The following TMEM232 variants were observed in gnomAD, a reference collection of about 807,000 sequenced individuals.
The protein encoded by TMEM232 is transmembrane protein 232.
TMEM232 carries 80 observed loss-of-function variants against 78.8 expected under a neutral mutation model. The observed-to-expected ratio is 1.01, with a 90% CI of 0.85 to 1.22. The LOEUF (loss-of-function observed/expected upper bound fraction) is 1.22, where lower values mean the gene tolerates loss of function less well. Ranked by LOEUF, TMEM232 falls within the 50% of genes most tolerant of loss-of-function variation. TMEM232 has a pLI of 0.00. For synonymous variants in TMEM232, 297 were observed against 254.3 expected (o/e 1.17, Z -1.60); for missense variants, 881 against 742.2 (o/e 1.19, Z -2.17).
At chr5:110,414,966 T>G (rs1330490164), downstream of TMEM232, among the ~76,000 whole-genome samples, 1 of 152,170 alleles carries the variant, frequency 6.6e-6, no homozygotes, top group African/African-American at 2.4e-5. Context: ...TATCATTTGC[T>G]TCTTTGCTTC....
intron 11 of TMEM232, among the ~76,000 whole-genome samples, chr5:110,556,192 C>T (rs1009167315): frequency 5.3e-5 from 8 of 152,078 alleles, no homozygotes; most frequent in African/African-American, 1.9e-4. Context: ...AACAAATTCC[C>T]TTAGTATTCG....
intron 7 of TMEM232, among the ~76,000 whole-genome samples, chr5:110,623,243 T>C (rs1378565666): frequency 6.6e-6 from 1 of 151,080 alleles, no homozygotes; most frequent in African/African-American, 2.5e-5. Flanking sequence ...TCATATGGCA[T>C]GTATCCTAAT....
At chr5:110,558,364 A>C (rs939951406) in intron 11 of TMEM232, among the ~76,000 whole-genome samples, 2 of 152,128 alleles carry the variant, frequency 1.3e-5, no homozygotes, top group Non-Finnish European at 2.9e-5. Flanking sequence ...GAAAATCAGT[A>C]GGGAAAAGCT....
chr5:110,453,296 A>AAATTT (rs1200775948), intron 12 of TMEM232, among the ~76,000 whole-genome samples: 1 of 151,942 alleles, frequency 6.6e-6, no homozygotes, highest in African/African-American at 2.4e-5. Context: ...ATACTTTTTT[A>AAATTT]AATTTTATTT....
chr5:110,734,867 A>G (rs1444476323), intron 2 of TMEM232: 3 of 152,192 alleles, frequency 2.0e-5, no homozygotes, highest in African/African-American at 4.8e-5. Context: ...TAAAATATTT[A>G]AAATATTACT....
At chr5:110,545,417 ATTTT>A (rs1324528697) in intron 11 of TMEM232, among the ~76,000 whole-genome samples, 1 of 152,004 alleles carries the variant, frequency 6.6e-6, no homozygotes, top group Non-Finnish European at 1.5e-5. Flanking sequence ...TGTGTTTATT[ATTTT>A]GTTATATAAA....
intron 13 of TMEM232, among the ~76,000 whole-genome samples, chr5:110,421,412 G>GAA (rs942260468): frequency 5.3e-5 from 8 of 151,120 alleles, no homozygotes; most frequent in African/African-American, 1.9e-4. Flanking sequence ...ACATCATCAT[G>GAA]AAAAATATAT....
intron 1 of TMEM232, among the ~76,000 whole-genome samples, chr5:110,724,535 A>G (rs568687798): frequency 9.1e-4 from 139 of 152,342 alleles, no homozygotes; most frequent in African/African-American, 3.3e-3. Context: ...TAGAAATTTC[A>G]GAGTTATCCT....
chr5:110,422,790 C>T (rs867471211), intron 13 of TMEM232, among the ~76,000 whole-genome samples: 23 of 152,040 alleles, frequency 1.5e-4, no homozygotes, highest in Non-Finnish European at 3.2e-4. Flanking sequence ...AGCATACTTT[C>T]TTTTTGTCTC....
chr5:110,574,793 T>C (rs1244202300), intron 10 of TMEM232, among the ~76,000 whole-genome samples: 1 of 152,134 alleles, frequency 6.6e-6, no homozygotes, highest in Non-Finnish European at 1.5e-5. Flanking sequence ...TTTCCTGGAC[T>C]CTGCTCTATG....
chr5:110,462,375 T>G (rs1045468572), intron 12 of TMEM232, among the ~76,000 whole-genome samples: 1 of 152,160 alleles, frequency 6.6e-6, no homozygotes, highest in African/African-American at 2.4e-5. Context: ...AGATTAATAT[T>G]CGAGTTAGTG....
At chr5:110,552,428 T>C (rs926363852) in intron 11 of TMEM232, among the ~76,000 whole-genome samples, 8 of 152,192 alleles carry the variant, frequency 5.3e-5, no homozygotes, top group Non-Finnish European at 1.2e-4. Flanking sequence ...CATGTAAATA[T>C]ACAAGTAAAA....
intron 7 of TMEM232, among the ~76,000 whole-genome samples, chr5:110,623,486 G>A (rs543331983): frequency 6.6e-5 from 10 of 152,266 alleles, no homozygotes; most frequent in African/African-American, 2.2e-4. Context: ...GAAAGGAGAT[G>A]AGATTGATGC....
At chr5:110,587,689 ATATGTGTG>A (rs1394431824) in intron 10 of TMEM232, among the ~76,000 whole-genome samples, 745 of 53,082 alleles carry the variant, frequency 0.014, 3 homozygotes, top group East Asian at 0.069. Context: ...ATATATATAT[ATATGTGTG>A]TGTGTGTGTG....
chr5:110,481,797 C>A (rs1347260941), intron 12 of TMEM232, among the ~76,000 whole-genome samples: 1 of 152,086 alleles, frequency 6.6e-6, no homozygotes, highest in Admixed American at 6.6e-5. Flanking sequence ...ATCATTCTAT[C>A]CACCAAATAC....
intron 1 of TMEM232, among the ~76,000 whole-genome samples, chr5:110,711,214 T>A (rs1045774825): frequency 6.6e-6 from 1 of 151,926 alleles, no homozygotes; most frequent in Non-Finnish European, 1.5e-5. Flanking sequence ...AAATGAAAGA[T>A]CTCTCTAATG....
chr5:110,470,364 A>G (rs942189955), intron 12 of TMEM232, among the ~76,000 whole-genome samples: 1 of 152,106 alleles, frequency 6.6e-6, no homozygotes, highest in Admixed American at 6.5e-5. Flanking sequence ...CAGAGAATGA[A>G]CTTGTATGTA....
At chr5:110,535,572 T>G (rs28764195) in intron 11 of TMEM232, among the ~76,000 whole-genome samples, 19,416 of 152,102 alleles carry the variant, frequency 0.13, 3,270 homozygotes, top group African/African-American at 0.39. Context: ...TTATTCTTCA[T>G]TGTAGAAAAA....
chr5:110,500,218 G>A (rs1766098992), intron 12 of TMEM232, among the ~76,000 whole-genome samples: 2 of 150,268 alleles, frequency 1.3e-5, no homozygotes, highest in Non-Finnish European at 3.0e-5. Flanking sequence ...TTTGAACACA[G>A]GTGGAGGTTG....
Sources: gnomAD v4.1 joint callset for allele counts (sites outside exome capture counted in the v4.1 genomes callset) on GRCh38, gnomAD v4.1.1 for gene constraint, MANE v1.5 for transcripts, NCBI Gene and HGNC (gene_info 2026-07-23, HGNC 2026-07-21) for gene names.